PLCB1: variants seen among roughly 807,000 people sequenced by gnomAD.
PLCB1 encodes 1-phosphatidylinositol 4,5-bisphosphate phosphodiesterase beta-1.
PLCB1 carries 46 observed loss-of-function variants against 161.8 expected under a neutral mutation model. That is an observed-to-expected ratio of 0.28 (90% CI 0.22 to 0.36). The LOEUF is 0.36. Among genes scored for constraint, PLCB1 ranks in the 10% least tolerant of loss-of-function variants. The pLI, the probability that PLCB1 is intolerant of heterozygous loss-of-function variation, is 1.00. For missense variants in PLCB1, 1,016 were observed against 1,472.5 expected (o/e 0.69, Z 5.07); for synonymous variants, 517 against 503.7 (o/e 1.03, Z -0.35).
intron 3 of PLCB1, 32 bp from the exon 4 acceptor site, chr20:8,628,262 T>C (rs372821383): frequency 1.3e-6 from 2 of 1,552,890 alleles, no homozygotes; most frequent in African/African-American, 1.4e-5. Flanking sequence ...TCTCTAGTTA[T>C]AGACTAATTA....
intron 2 of PLCB1, among the ~76,000 whole-genome samples, chr20:8,284,426 CT>C: frequency 6.6e-6 from 1 of 152,060 alleles, no homozygotes; most frequent in South Asian, 2.1e-4. Context: ...TAAGAGTGGC[CT>C]GAGTTTTATT....
chr20:8,776,243 G>A (rs1490982406), intron 27 of PLCB1, among the ~76,000 whole-genome samples: 2 of 152,172 alleles, frequency 1.3e-5, no homozygotes, highest in Non-Finnish European at 2.9e-5. Flanking sequence ...ACTATTGTCA[G>A]CCCCATTTTG....
chr20:8,832,249 A>C (rs916204067), intron 31 of PLCB1, among the ~76,000 whole-genome samples: 2 of 152,150 alleles, frequency 1.3e-5, no homozygotes, highest in Non-Finnish European at 2.9e-5. Context: ...GGCTATAATA[A>C]AATTTAGCAT....
At chr20:8,196,846 G>T (rs1331567036) in intron 2 of PLCB1, among the ~76,000 whole-genome samples, 1 of 151,248 alleles carries the variant, frequency 6.6e-6, no homozygotes, top group Non-Finnish European at 1.5e-5. Flanking sequence ...AGGCCCCAGT[G>T]TGTGATGTCC....
intron 4 of PLCB1, among the ~76,000 whole-genome samples, chr20:8,629,972 TTCTTTCTTTCTTTCTTTCTTTC>T (rs1988520802): frequency 4.9e-5 from 1 of 20,470 alleles, no homozygotes; most frequent in Non-Finnish European, 1.1e-4. Context: ...TCTTCTTTCT[TTCTTTCTTTCTTTCTTTCTTTC>T]TTTCTTTCTT....
rs147738835 is a variant in PLCB1 at position 8,202,350 on chromosome 20, C to T, written c.177+51979C>T. On this transcript the variant is annotated intron_variant, in intron 2 of 31. Transcript: ENST00000338037. ...CTCCGCCTCCCAAAGTGCTGGATTA[C>T]AGGCGTCAGCCACTGCGCACAGCCT... Among the ~76,000 whole-genome samples, 135 of 152,370 alleles carry T rather than the reference C, an allele frequency of 8.9e-4. 2 individuals carry two copies. The East Asian group carries it at 0.022, about 25-fold the overall frequency.
chr20:8,516,497 TA>T (rs1025561016), intron 3 of PLCB1, among the ~76,000 whole-genome samples: 2 of 152,018 alleles, frequency 1.3e-5, no homozygotes, highest in Admixed American at 6.6e-5. Context: ...CAACCTACTC[TA>T]TCAGAGATAG....
chr20:8,808,335 G>T (rs1387927004), intron 31 of PLCB1, among the ~76,000 whole-genome samples: 1 of 152,126 alleles, frequency 6.6e-6, no homozygotes, highest in African/African-American at 2.4e-5. Context: ...TCCTCAGATG[G>T]CCTTTCTATG....
At chr20:8,534,900 A>G (rs1263751674) in intron 3 of PLCB1, among the ~76,000 whole-genome samples, 4 of 152,186 alleles carry the variant, frequency 2.6e-5, no homozygotes, top group Middle Eastern at 3.4e-3. Context: ...GGAAGCCTAC[A>G]GTTTCCTTAT....
At chr20:8,323,137 C>T (rs757963966) in intron 2 of PLCB1, among the ~76,000 whole-genome samples, 1 of 152,076 alleles carries the variant, frequency 6.6e-6, no homozygotes, top group Non-Finnish European at 1.5e-5. Context: ...ATATGCACAG[C>T]TTGCGGGATT....
chr20:8,508,504 C>T lies in PLCB1; in HGVS notation c.247-119790C>T, dbSNP rs150567252. On this transcript the variant is annotated intron_variant, in intron 3 of 31. Coordinates refer to ENST00000338037, the MANE Select transcript of PLCB1 (RefSeq NM_015192.4). ...GTTCATCTTTAGATGGTAAAGATGGCTGTACGTACTATCCTTGCTTATTTC... is the reference window on the plus strand; with the variant it reads ...GTTCATCTTTAGATGGTAAAGATGGTTGTACGTACTATCCTTGCTTATTTC... 1.5e-3 allele frequency among the ~76,000 whole-genome samples: 222 copies of T among 152,298 alleles called. 1 individual carries two copies. The highest frequency in any genetic ancestry group is 5.1e-3 in the African/African-American group (211 of 41,564).
intron 2 of PLCB1, among the ~76,000 whole-genome samples, chr20:8,199,357 TA>T (rs1340551639): frequency 6.6e-6 from 1 of 152,148 alleles, no homozygotes; most frequent in Admixed American, 6.6e-5. Context: ...GTCAAGTATA[TA>T]AAAAATTGAG....
chr20:8,546,957 A>C (rs563472904), intron 3 of PLCB1, among the ~76,000 whole-genome samples: 1 of 152,316 alleles, frequency 6.6e-6, no homozygotes, highest in South Asian at 2.1e-4. Context: ...ATTTTGCTAC[A>C]TGTATCTGAA....
chr20:8,848,134 G>C (rs6140767), intron 31 of PLCB1, among the ~76,000 whole-genome samples: 50,041 of 151,976 alleles, frequency 0.33, 9,053 homozygotes, highest in East Asian at 0.63. Flanking sequence ...TGCCCCACCT[G>C]TTAATACCAT....
chr20:8,556,973 A>G (rs960860863), intron 3 of PLCB1, among the ~76,000 whole-genome samples: 1 of 130,318 alleles, frequency 7.7e-6, no homozygotes, highest in African/African-American at 2.8e-5. Flanking sequence ...ATTATTGATA[A>G]TAAATAAATA....
intron 10 of PLCB1, among the ~76,000 whole-genome samples, chr20:8,686,914 C>T (rs1210025770): frequency 2.0e-5 from 3 of 152,142 alleles, no homozygotes; most frequent in African/African-American, 7.2e-5. Flanking sequence ...GGACCCTGAA[C>T]ATTGCCTGGA....
At chr20:8,572,990 C>T (rs531768058) in intron 3 of PLCB1, among the ~76,000 whole-genome samples, 1 of 152,110 alleles carries the variant, frequency 6.6e-6, no homozygotes, top group East Asian at 1.9e-4. Flanking sequence ...AGGGAGTGTG[C>T]AGATGAAGAA....
chr20:8,504,538 A>C (rs1037383516), intron 3 of PLCB1, among the ~76,000 whole-genome samples: 2 of 152,244 alleles, frequency 1.3e-5, no homozygotes, highest in Non-Finnish European at 2.9e-5. Context: ...TGAAATTCAC[A>C]TAATTAGAAA....
At chr20:8,873,620 G>A (rs990227018) in intron 31 of PLCB1, among the ~76,000 whole-genome samples, 1 of 151,938 alleles carries the variant, frequency 6.6e-6, no homozygotes. Context: ...TTATATTTTA[G>A]TGTTTCTTTT....
Sources: allele counts gnomAD v4.1 joint callset (sites outside exome capture counted in the v4.1 genomes callset), GRCh38; gene constraint gnomAD v4.1.1; transcripts MANE v1.5; gene names NCBI Gene and HGNC (gene_info 2026-07-23, HGNC 2026-07-21).